The following HLCS variants were observed in gnomAD, a reference collection of about 807,000 sequenced individuals.
HLCS encodes the protein holocarboxylase synthetase.
A neutral mutation model predicts 75.0 loss-of-function variants in HLCS; 53 were observed. The observed-to-expected ratio is 0.71, with a 90% confidence interval of 0.57 to 0.89. HLCS has a LOEUF of 0.89. Among genes scored for constraint, HLCS ranks in the 40% least tolerant of loss-of-function variants. HLCS has a pLI of 0.00. For synonymous variants in HLCS, 431 were observed against 428.6 expected (o/e 1.01, Z -0.07); for missense variants, 966 against 1,074.0 (o/e 0.90, Z 1.41).
At chr21:36,959,486 A>G (rs781563884) in intron 2 of HLCS, among the ~76,000 whole-genome samples, 1 of 152,176 alleles carries the variant, frequency 6.6e-6, no homozygotes. Flanking sequence ...CATAGGTAGA[A>G]AGGGGCGGGT....
At chr21:36,989,689 TG>T (rs988636697) in intron 1 of HLCS, among the ~76,000 whole-genome samples, 1 of 151,918 alleles carries the variant, frequency 6.6e-6, no homozygotes, top group Non-Finnish European at 1.5e-5. Context: ...ACTTAGGCGC[TG>T]GGTCATTAGG....
chr21:36,928,737 G>A (rs2066510095), intron 5 of HLCS, among the ~76,000 whole-genome samples: 1 of 152,164 alleles, frequency 6.6e-6, no homozygotes, highest in African/African-American at 2.4e-5. Flanking sequence ...CAAGTGGAGG[G>A]CCCGCAATGG....
chr21:36,952,338 C>G (rs2067704561), intron 2 of HLCS, among the ~76,000 whole-genome samples: 1 of 152,132 alleles, frequency 6.6e-6, no homozygotes, highest in Non-Finnish European at 1.5e-5. Context: ...TAAAATGGAG[C>G]TCGGGGTAAC....
At chr21:36,903,301 G>A (rs543912508) in intron 5 of HLCS, among the ~76,000 whole-genome samples, 2 of 152,186 alleles carry the variant, frequency 1.3e-5, no homozygotes, top group East Asian at 3.9e-4. Flanking sequence ...AACATACAAA[G>A]GTGATCCCCA....
At chr21:36,756,493 A>G (rs1178647749) in intron 10 of HLCS, 49 bp downstream of exon 10, 1 of 971,772 alleles carries the variant, frequency 1.0e-6, no homozygotes, top group Non-Finnish European at 1.7e-6. Flanking sequence ...CAGAACTACT[A>G]AGATACTAAT....
intron 1 of HLCS, among the ~76,000 whole-genome samples, chr21:36,983,730 A>G (rs1409085407): frequency 1.3e-5 from 2 of 151,508 alleles, no homozygotes; most frequent in Non-Finnish European, 1.5e-5. Context: ...CCAACTACTC[A>G]GGAGGCTGAG....
At chr21:36,956,548 G>A (rs1170383132) in intron 2 of HLCS, among the ~76,000 whole-genome samples, 1 of 152,074 alleles carries the variant, frequency 6.6e-6, no homozygotes, top group Non-Finnish European at 1.5e-5. Flanking sequence ...CTAACACGGT[G>A]AAACCCCATC....
intron 4 of HLCS, among the ~76,000 whole-genome samples, chr21:36,932,873 T>C (rs1029007983): frequency 6.6e-6 from 1 of 152,230 alleles, no homozygotes; most frequent in Non-Finnish European, 1.5e-5. Flanking sequence ...ATCCCAGCAC[T>C]TTGGCAGGCC....
intron 6 of HLCS, among the ~76,000 whole-genome samples, chr21:36,838,171 C>G (rs755337158): frequency 6.6e-6 from 1 of 152,090 alleles, no homozygotes; most frequent in African/African-American, 2.4e-5. Flanking sequence ...AACGCTGGGA[C>G]GCAGCCTCCA....
chr21:36,937,116 A>G lies in HLCS; in HGVS notation c.770T>C (p.Leu257Pro). 6.2e-7 allele frequency: 1 copy of G among 1,614,158 alleles called. No homozygotes were observed. The highest frequency in any genetic ancestry group is 8.5e-7 in the Non-Finnish European group (1 of 1,180,022). The change falls in exon 4 of 11, where the codon CTG (leucine) becomes CCG (proline). Residue 257 changes from leucine to proline, a missense_variant. By Grantham distance (98) the Leu-to-Pro change is moderately conservative. Coordinates refer to ENST00000674895, the MANE Select transcript of HLCS (RefSeq NM_001352514.2). Reference protein sequence around the residue: ...HLHLSSCHECLELENSTIESV... With the variant: ...HLHLSSCHECPELENSTIESV... ...CTCAATGGTGCTGTTCTCAAGTTCC[A>G]GACACTCGTGGCAACTAGACAGATG...
rs1025223317 is a variant in HLCS at position 36,754,158 on chromosome 21, G to A, written c.*88C>T. The A allele has an allele frequency of 3.0e-5, 39 of 1,286,904 alleles. 1 individual carries two copies. The East Asian group carries it at 6.7e-4, about 22-fold the overall frequency. The allele number at this position is 1,286,904 out of a possible 1,614,324, so 79.7% of individuals were successfully genotyped here. A position where few individuals can be genotyped will look rare whatever the true frequency, so the allele number is the denominator to read the frequency against. ...GAACAAAGACTTAACAAATGAATTG[G>A]AGGAAAAGAAAATTCACCTACAACT... On this transcript the variant is annotated 3_prime_UTR_variant, in exon 11 of 11. Transcript: ENST00000674895.
chr21:36,935,701 C>T lies in HLCS; in HGVS notation c.1437+748G>A, dbSNP rs531441844. ...CCCTAAGGATTAAAAGATTTGGAGT[C>T]AATGACAAGGAATTCTGAAATAGTT... On this transcript the variant is annotated intron_variant, in intron 4 of 10. Transcript: ENST00000674895. Among the ~76,000 whole-genome samples the T allele has an allele frequency of 3.3e-5, 5 of 152,196 alleles. No individual in the cohort carries two copies. The East Asian group carries it at 9.7e-4, about 29-fold the overall frequency.
chr21:36,799,371 G>C (rs1353500711), intron 6 of HLCS, among the ~76,000 whole-genome samples: 1 of 152,174 alleles, frequency 6.6e-6, no homozygotes, highest in Non-Finnish European at 1.5e-5. Context: ...CCATTCATCT[G>C]TATATCTCTA....
intron 6 of HLCS, chr21:36,804,318 T>G (rs976355120): frequency 1.3e-5 from 2 of 152,386 alleles, no homozygotes; most frequent in African/African-American, 4.8e-5. Context: ...CTGCCTCCTA[T>G]TCTGTTTTGT....
At chr21:36,968,970 G>C (rs1006817377), upstream of HLCS, among the ~76,000 whole-genome samples, 1 of 152,176 alleles carries the variant, frequency 6.6e-6, no homozygotes, top group Non-Finnish European at 1.5e-5. Context: ...TATGGTCTCA[G>C]AATACATCAT....
At chr21:36,901,685 T>A (rs2065244010) in intron 5 of HLCS, among the ~76,000 whole-genome samples, 1 of 152,164 alleles carries the variant, frequency 6.6e-6, no homozygotes, top group African/African-American at 2.4e-5. Context: ...GGCGTTCTCC[T>A]CTTTAAGTGT....
Position 36,936,922 on chromosome 21 carries a change from C to T in HLCS, c.964G>A (p.Ala322Thr). 1 of 1,614,176 alleles carries T rather than the reference C, an allele frequency of 6.2e-7. No homozygotes were observed. Among genetic ancestry groups the T allele is most frequent in the South Asian group, 1.1e-5 (1 of 91,078 alleles). ...LLYVGSDSQE[A>T]LGRFHEVRSV... is the part of the protein sequence containing the mutation. Reference sequence around the variant, plus strand: ...CGGACCTCGTGGAACCGGCCGAGGGCTTCCTGGGAGTCGGAGCCCACATAG... The same window carrying T: ...CGGACCTCGTGGAACCGGCCGAGGGTTTCCTGGGAGTCGGAGCCCACATAG... The change falls in exon 4 of 11, where the codon GCC (alanine) becomes ACC (threonine). Residue 322 changes from alanine (A) to threonine (T), a missense_variant. Physicochemically the swap from Ala to Thr is moderately conservative, Grantham distance 58. Coordinates refer to ENST00000674895, the MANE Select transcript of HLCS (RefSeq NM_001352514.2).
chr21:36,952,415 C>T (rs1370581197), intron 2 of HLCS, among the ~76,000 whole-genome samples: 1 of 152,204 alleles, frequency 6.6e-6, no homozygotes, highest in East Asian at 1.9e-4. Flanking sequence ...CCACTGATGT[C>T]TCTGATCATA....
intron 5 of HLCS, among the ~76,000 whole-genome samples, chr21:36,926,966 G>A (rs889834735): frequency 2.0e-5 from 3 of 152,010 alleles, no homozygotes; most frequent in Non-Finnish European, 2.9e-5. Flanking sequence ...GGCTGGTCTC[G>A]AATTCCTGGG....
Sources: allele counts gnomAD v4.1 joint callset (sites outside exome capture counted in the v4.1 genomes callset), GRCh38; gene constraint gnomAD v4.1.1; transcripts MANE v1.5; gene names NCBI Gene and HGNC (gene_info 2026-07-23, HGNC 2026-07-21).